LCT: variants seen among roughly 807,000 people sequenced by gnomAD.
LCT encodes the protein lactase/phlorizin hydrolase.
Under a neutral mutation model 173.0 loss-of-function variants are expected in LCT, and 90 were observed. The ratio of observed to expected loss-of-function variants is 0.52; its 90% CI spans 0.44 to 0.62. LCT has a LOEUF of 0.62. Ranked by LOEUF, LCT falls within the 20% of genes least tolerant of loss-of-function variation. The pLI is 0.00. For synonymous variants in LCT, 853 were observed against 957.6 expected, an observed-to-expected ratio of 0.89 and a Z score of 2.02; for missense variants, 1,864 against 2,431.4, an observed-to-expected ratio of 0.77 and a Z score of 4.91.
Position 135,812,582 on chromosome 2 carries a change from G to A in LCT, c.2082C>T (p.Ala694=). ...SHYTSRLISN[A]PQNTCIPSYD... ...AGCTAGGGATGCAGGTGTTTTGTGG[G>A]GCGTTGCTGATGAGGCGGGAGGTGT... Residue 694 remains alanine (A), a synonymous_variant, in exon 7 of 17, where the codon GCC becomes GCT. Transcript: ENST00000264162. 1 of 1,613,302 alleles carries A rather than the reference G, an allele frequency of 6.2e-7. No homozygotes were observed. The highest frequency in any genetic ancestry group is 8.5e-7 in the Non-Finnish European group (1 of 1,179,252).
At chr2:135,816,599 A>G (rs113324415) in intron 6 of LCT, among the ~76,000 whole-genome samples, 5 of 152,212 alleles carry the variant, frequency 3.3e-5, no homozygotes, top group African/African-American at 1.2e-4. Flanking sequence ...AGAATTTTCA[A>G]CCTCCTGAAT....
Position 135,817,479 on chromosome 2 carries a change from C to G in LCT, c.1569G>C (p.Ala523=). 1 of 1,614,162 alleles carries G rather than the reference C, an allele frequency of 6.2e-7. No individual in the cohort carries two copies. Among genetic ancestry groups the G allele is most frequent in the Non-Finnish European group, 8.5e-7 (1 of 1,180,036 alleles). The change falls in exon 6 of 17, where the codon GCG becomes GCC. Residue 523 remains alanine (A), a synonymous_variant. Coordinates refer to ENST00000264162, the MANE Select transcript of LCT (RefSeq NM_002299.4). ...ESVVDAFLDY[A]AFCFSTFGDR... ...CCCCAAATGTGGAGAAGCAGAAGGCCGCATAGTCCAGGAAGGCATCCACCA... is the reference window on the plus strand; with the variant it reads ...CCCCAAATGTGGAGAAGCAGAAGGCGGCATAGTCCAGGAAGGCATCCACCA...
At chr2:135,813,696 A>C (rs2077754143) in intron 6 of LCT, among the ~76,000 whole-genome samples, 1 of 152,254 alleles carries the variant, frequency 6.6e-6, no homozygotes, top group Non-Finnish European at 1.5e-5. Flanking sequence ...ACTGTTACCC[A>C]CACTGCTATT....
intron 11 of LCT, among the ~76,000 whole-genome samples, chr2:135,801,193 T>C (rs2077624705): frequency 6.6e-6 from 1 of 151,950 alleles, no homozygotes; most frequent in Non-Finnish European, 1.5e-5. Flanking sequence ...ATAATAGAGA[T>C]ACCTATCGCA....
In LCT at chr2:135,807,411, A is replaced by G. The variant is rs767322450; in HGVS notation, c.3905-15T>C. 1 of 1,613,704 alleles carries G rather than the reference A, an allele frequency of 6.2e-7. No homozygotes were observed. Among genetic ancestry groups the G allele is most frequent in the Non-Finnish European group, 8.5e-7 (1 of 1,179,810 alleles). ...GAGCCTGTAGGCTGGGAACATCCCA[A>G]AGGGAGCAGAGGAGAGCTTGACACC... On this transcript the variant is annotated splice_polypyrimidine_tract_variant and intron_variant, in intron 8 of 16. Transcript: ENST00000264162.
intron 4 of LCT, 139 bp from the exon 5 acceptor site, chr2:135,822,237 G>A: frequency 1.5e-6 from 1 of 675,702 alleles, no homozygotes; most frequent in Non-Finnish European, 2.7e-6. Flanking sequence ...AAATACCATG[G>A]GCTAACGACT....
chr2:135,814,335 G>A (rs1038423558), intron 6 of LCT, among the ~76,000 whole-genome samples: 1 of 152,110 alleles, frequency 6.6e-6, no homozygotes, highest in African/African-American at 2.4e-5. Context: ...CCAGTGTCAG[G>A]AAGGGAGCTC....
chr2:135,816,579 G>A (rs186748055), intron 6 of LCT, among the ~76,000 whole-genome samples: 5 of 152,338 alleles, frequency 3.3e-5, no homozygotes, highest in Non-Finnish European at 1.5e-5. Context: ...ACCCTGATCA[G>A]GCTAAATGAA....
chr2:135,804,257 T>G (rs1000262543), intron 10 of LCT, 129 bp from the exon 11 acceptor site: 5 of 784,262 alleles, frequency 6.4e-6, no homozygotes, highest in Non-Finnish European at 8.6e-6. Context: ...GCTCAAAGAT[T>G]TTTTTCTTTT....
intron 2 of LCT, 110 bp downstream of exon 2, chr2:135,833,001 G>T: frequency 1.2e-6 from 1 of 838,098 alleles, no homozygotes. Context: ...CACTCATTCT[G>T]AGGCATTTAC....
At chr2:135,804,713 C>A in intron 10 of LCT, 54 bp downstream of exon 10, 1 of 1,510,376 alleles carries the variant, frequency 6.6e-7, no homozygotes, top group South Asian at 1.1e-5. Context: ...CTCCCCCAGC[C>A]CTGCTGGTTC....
At chr2:135,792,944 G>A (rs2105518946) in intron 14 of LCT, among the ~76,000 whole-genome samples, 1 of 152,300 alleles carries the variant, frequency 6.6e-6, no homozygotes, top group East Asian at 1.9e-4. Context: ...GGTGGCAGTG[G>A]AAGGGGAAAG....
intron 5 of LCT, among the ~76,000 whole-genome samples, chr2:135,819,479 C>T (rs936130790): frequency 2.6e-5 from 4 of 152,162 alleles, no homozygotes; most frequent in Non-Finnish European, 5.9e-5. Flanking sequence ...ACACAGCCAT[C>T]GTGTGGAGAG....
chr2:135,820,656 A>G (rs1368430581), intron 5 of LCT: 2 of 151,974 alleles, frequency 1.3e-5, no homozygotes, highest in African/African-American at 4.8e-5. Context: ...GACAAAGAGA[A>G]CTCTAGTTGA....
chr2:135,836,738 G>T lies in LCT; in HGVS notation c.432C>A (p.Thr144=). The change falls in exon 1 of 17, where the codon ACC becomes ACA. Residue 144 remains threonine, a synonymous_variant. Coordinates refer to ENST00000264162, the MANE Select transcript of LCT (RefSeq NM_002299.4). ...CGGCGAAGAGGTCAGCAAAGGCTTCGGTTCTCCGGAGGGTGCTGGCAGGGA... is the reference window on the plus strand; with the variant it reads ...CGGCGAAGAGGTCAGCAAAGGCTTCTGTTCTCCGGAGGGTGCTGGCAGGGA... The part of the protein sequence containing the change: ...QTLPASTLRR[T]EAFADLFADY... The T allele has an allele frequency of 6.2e-7, 1 of 1,614,162 alleles. No homozygotes were observed. The highest frequency in any genetic ancestry group is 8.5e-7 in the Non-Finnish European group (1 of 1,180,028).
intron 3 of LCT, among the ~76,000 whole-genome samples, chr2:135,826,616 C>T (rs1032155721): frequency 1.3e-5 from 2 of 152,058 alleles, no homozygotes; most frequent in African/African-American, 4.8e-5. Flanking sequence ...AAAATCACAT[C>T]CTCAAGTACC....
At chr2:135,801,112 C>T (rs932496634) in intron 11 of LCT, among the ~76,000 whole-genome samples, 2 of 152,156 alleles carry the variant, frequency 1.3e-5, no homozygotes, top group African/African-American at 4.8e-5. Flanking sequence ...AGAGGGAAGG[C>T]CACTTGATAA....
intron 11 of LCT, among the ~76,000 whole-genome samples, chr2:135,802,552 C>A (rs1214388625): frequency 1.3e-5 from 2 of 152,174 alleles, no homozygotes; most frequent in Non-Finnish European, 2.9e-5. Flanking sequence ...TGAATCTTGT[C>A]ATTCGTGACA....
At position 135,834,787 on chromosome 2, in the gene LCT, C is replaced by CAAAAAAAAAAAA. The variant is rs60298631; in HGVS notation, c.641-1609_641-1598dup. 1.3e-3 allele frequency among the ~76,000 whole-genome samples: 46 copies of CAAAAAAAAAAAA among 34,170 alleles called. 5 individuals carry two copies. Among genetic ancestry groups the CAAAAAAAAAAAA allele is most frequent in the East Asian group, 5.8e-3 (3 of 520 alleles). 22.4% of individuals were successfully genotyped at this position (34,170 alleles called of 152,430 possible). A position where few individuals can be genotyped will look rare whatever the true frequency, so the allele number is the denominator to read the frequency against. ...TGGACAAAAGAGTGAGACTCCATCT[C>CAAAAAAAAAAAA]AAAAAAAAAAAAAAAAAAAAAAAGA... On this transcript the variant is annotated intron_variant, in intron 1 of 16. Coordinates refer to ENST00000264162, the MANE Select transcript of LCT (RefSeq NM_002299.4).
Sources: allele counts gnomAD v4.1 joint callset (sites outside exome capture counted in the v4.1 genomes callset), GRCh38; gene constraint gnomAD v4.1.1; transcripts MANE v1.5; gene names NCBI Gene and HGNC (gene_info 2026-07-23, HGNC 2026-07-21).